FRMD6: variants seen among roughly 807,000 people sequenced by gnomAD.
FRMD6 encodes FERM domain containing 6.
In FRMD6, 37 loss-of-function variants were observed where a neutral mutation model predicts 73.2. The ratio of observed to expected loss-of-function variants is 0.51; its 90% confidence interval spans 0.39 to 0.66. The LOEUF is 0.66. Ranked by LOEUF, FRMD6 falls within the 30% of genes least tolerant of loss-of-function variation. The pLI, the probability that FRMD6 is intolerant of heterozygous loss-of-function variation, is 0.00. For synonymous variants in FRMD6, 273 were observed against 282.2 expected (o/e 0.97, Z 0.33); for missense variants, 714 against 780.5 (o/e 0.91, Z 1.02).
rs75635698 is a variant in FRMD6, at chr14:51,730,167, T to A, written c.*2138T>A. ...AAAGAAAGATAAAGAAAAAACATAT[T>A]TAATTACTGTAAACAGGTACTGCTT... On this transcript the variant is annotated 3_prime_UTR_variant, in exon 14 of 14. Transcript: ENST00000344768. 1 of 152,196 alleles carries A rather than the reference T, an allele frequency of 6.6e-6. No individual in the cohort carries two copies. The highest frequency in any genetic ancestry group is 2.4e-5 in the African/African-American group (1 of 41,456). 9.4% of individuals were successfully genotyped at this position (152,196 alleles called of 1,614,324 possible). A position where few individuals can be genotyped will look rare whatever the true frequency, so the allele number is the denominator to read the frequency against.
chr14:51,606,375 TA>T (rs1890257559), intron 2 of FRMD6, among the ~76,000 whole-genome samples: 2 of 152,122 alleles, frequency 1.3e-5, no homozygotes, highest in African/African-American at 4.8e-5. Flanking sequence ...TATAAGCACA[TA>T]TATGTGAGAC....
At chr14:51,458,023 T>C in the FRMD6 span, among the ~76,000 whole-genome samples, 1 of 152,178 alleles carries the variant, frequency 6.6e-6, no homozygotes, top group South Asian at 2.1e-4. Flanking sequence ...TTATTAACCT[T>C]TTTAAGGTGC....
Position 51,687,394 on chromosome 14 carries a change from G to T in FRMD6, c.-146-2297G>T, listed in dbSNP as rs1364668199. 2.0e-5 allele frequency among the ~76,000 whole-genome samples: 3 copies of T among 152,052 alleles called. No homozygotes were observed. In the East Asian group the frequency reaches 5.8e-4, roughly 29 times the overall value. ...AAAGCTTATAATTTCTTCTTGAAAA[G>T]ATTTATATTGCAAAAAGGAAGACTA... On this transcript the variant is annotated intron_variant, in intron 1 of 13. Coordinates refer to ENST00000344768, the MANE Select transcript of FRMD6 (RefSeq NM_001267046.2).
intron 2 of FRMD6, among the ~76,000 whole-genome samples, chr14:51,591,846 T>C (rs1889419953): frequency 6.6e-6 from 1 of 152,210 alleles, no homozygotes; most frequent in Admixed American, 6.5e-5. Flanking sequence ...CGGCCACTAT[T>C]TTTTATTTTC....
At chr14:51,436,493 C>T in the FRMD6 span, 1 of 625,796 alleles carries the variant, frequency 1.6e-6, no homozygotes. Flanking sequence ...AAATTCTCTC[C>T]AAAGAATTTC....
chr14:51,646,849 C>A (rs553195190), intron 2 of FRMD6, among the ~76,000 whole-genome samples: 34 of 152,016 alleles, frequency 2.2e-4, no homozygotes, highest in Non-Finnish European at 3.4e-4. Flanking sequence ...TAACCTAGCA[C>A]TGCCTTGCCG....
At chr14:51,715,614 A>G (rs907645918) in intron 10 of FRMD6, 115 bp downstream of exon 10, 2 of 774,158 alleles carry the variant, frequency 2.6e-6, no homozygotes, top group African/African-American at 3.5e-5. Flanking sequence ...GGGACACTCC[A>G]GATTGAGAGC....
At chr14:51,479,252 A>C in the FRMD6 span, among the ~76,000 whole-genome samples, 1 of 152,220 alleles carries the variant, frequency 6.6e-6, no homozygotes, top group African/African-American at 2.4e-5. Flanking sequence ...TGTGCGCTAA[A>C]GGGTTGGTTT....
intron 7 of FRMD6, 87 bp downstream of exon 7, chr14:51,708,320 C>A: frequency 2.4e-6 from 3 of 1,272,546 alleles, no homozygotes; most frequent in South Asian, 1.4e-5. Flanking sequence ...GATTTCATTT[C>A]CATTAAAACT....
the FRMD6 span, among the ~76,000 whole-genome samples, chr14:51,397,656 C>T: frequency 0.034 from 5,184 of 152,262 alleles, 108 homozygotes; most frequent in Middle Eastern, 0.078. Context: ...CACCTGTAAT[C>T]TCAAACTCCA....
At chr14:51,432,494 G>C in the FRMD6 span, among the ~76,000 whole-genome samples, 1 of 152,140 alleles carries the variant, frequency 6.6e-6, no homozygotes, top group Non-Finnish European at 1.5e-5. Context: ...TTGCCAAATG[G>C]TGAGTTGATT....
At chr14:51,429,137 G>T in the FRMD6 span, among the ~76,000 whole-genome samples, 1 of 152,284 alleles carries the variant, frequency 6.6e-6, no homozygotes, top group East Asian at 1.9e-4. Flanking sequence ...TGTGAATAAA[G>T]CATGTGTGTG....
intron 1 of FRMD6, among the ~76,000 whole-genome samples, chr14:51,509,776 G>T (rs965625963): frequency 6.6e-6 from 1 of 151,816 alleles, no homozygotes; most frequent in African/African-American, 2.4e-5. Flanking sequence ...ACAGGCACCT[G>T]CCACCACGCC....
intron 1 of FRMD6, among the ~76,000 whole-genome samples, chr14:51,562,970 G>C (rs1399618051): frequency 2.0e-5 from 3 of 152,170 alleles, no homozygotes; most frequent in South Asian, 2.1e-4. Context: ...TCATGACCTG[G>C]GGGTGATTTG....
intron 2 of FRMD6, among the ~76,000 whole-genome samples, chr14:51,639,391 C>T (rs1891721934): frequency 6.6e-6 from 1 of 151,572 alleles, no homozygotes; most frequent in African/African-American, 2.4e-5. Flanking sequence ...GCTGAGATTG[C>T]GCCACTGCAC....
chr14:51,446,564 C>T, the FRMD6 span, among the ~76,000 whole-genome samples: 1 of 151,890 alleles, frequency 6.6e-6, no homozygotes, highest in Non-Finnish European at 1.5e-5. Flanking sequence ...GATTTGGAAA[C>T]CAGACAATAT....
chr14:51,402,923 C>T, the FRMD6 span, among the ~76,000 whole-genome samples: 1 of 152,106 alleles, frequency 6.6e-6, no homozygotes, highest in Admixed American at 6.5e-5. Flanking sequence ...CAGGCGTGAG[C>T]CACCGCGCCC....
At chr14:51,683,807 A>G (rs1894972686) in intron 1 of FRMD6, among the ~76,000 whole-genome samples, 1 of 152,138 alleles carries the variant, frequency 6.6e-6, no homozygotes, top group Non-Finnish European at 1.5e-5. Flanking sequence ...GATTTGAGAA[A>G]GGGTTATTTA....
chr14:51,711,618 C>T lies in FRMD6; in HGVS notation c.780+22C>T, dbSNP rs1450628373. On this transcript the variant is annotated intron_variant, in intron 8 of 13. Transcript: ENST00000344768. The stretch of plus-strand genomic sequence containing the variant: ...TCAGGTTGGTAAATGAGAATTGTGT[C>T]AAATGCTGTCAGCCATGTCTTCTGT... The T allele has an allele frequency of 2.0e-6, 3 of 1,526,246 alleles. No homozygotes were observed. In the South Asian group the frequency reaches 3.4e-5, roughly 17 times the overall value. The allele number at this position is 1,526,246 out of a possible 1,614,324, so 94.5% of individuals were successfully genotyped here. A position where few individuals can be genotyped will look rare whatever the true frequency, so the allele number is the denominator to read the frequency against.
Sources: allele counts gnomAD v4.1 joint callset (sites outside exome capture counted in the v4.1 genomes callset), GRCh38; gene constraint gnomAD v4.1.1; transcripts MANE v1.5; gene names NCBI Gene and HGNC (gene_info 2026-07-23, HGNC 2026-07-21).